The following LARP1B variants were observed in gnomAD, a reference collection of about 807,000 sequenced individuals.
The protein encoded by LARP1B is la-related protein 1B.
A neutral mutation model predicts 114.2 loss-of-function variants in LARP1B; 76 were observed. That is an observed-to-expected ratio of 0.67 (90% confidence interval 0.55 to 0.81). The LOEUF is 0.81. Among genes scored for constraint, LARP1B ranks in the 30% least tolerant of loss-of-function variants. The probability of loss-of-function intolerance (pLI) is 0.00; values close to 1 mark genes in which losing one functional copy is unlikely to be tolerated. For synonymous variants in LARP1B, 345 were observed against 348.0 expected, an observed-to-expected ratio of 0.99 and a Z score of 0.10; for missense variants, 1,014 against 1,075.8, an observed-to-expected ratio of 0.94 and a Z score of 0.80.
chr4:128,106,999 G>C (rs1261225758), intron 8 of LARP1B, 140 bp from the exon 9 acceptor site: 7 of 647,180 alleles, frequency 1.1e-5, no homozygotes, highest in Non-Finnish European at 1.3e-5. Context: ...TGTGTTCTAT[G>C]TGGTTAACTT....
At chr4:128,150,019 TG>T (rs1732014363) in intron 11 of LARP1B, among the ~76,000 whole-genome samples, 2 of 152,098 alleles carry the variant, frequency 1.3e-5, no homozygotes, top group African/African-American at 4.8e-5. Flanking sequence ...GGCATGGTGG[TG>T]CACACCTGTA....
intron 5 of LARP1B, among the ~76,000 whole-genome samples, chr4:128,086,469 C>CA (rs1773607204): frequency 6.6e-6 from 1 of 152,128 alleles, no homozygotes; most frequent in Admixed American, 6.6e-5. Flanking sequence ...GCTGGGACTA[C>CA]AGGCATGCAC....
rs1418945577 is a variant in LARP1B at position 128,098,268 on chromosome 4, T to A, written c.751T>A (p.Ser251Thr). Residue 251 changes from serine (S) to threonine (T), a missense_variant, in exon 8 of 20, where the codon TCC becomes ACC. Physicochemically the swap from Ser to Thr is moderately conservative, Grantham distance 58. Coordinates refer to ENST00000326639, the MANE Select transcript of LARP1B (RefSeq NM_018078.4). ...GGATGAACAAGGTTTCTTGCCTATT[T>A]CCCTGATTGCTGGTTTTCAGCGTGT... ...KMDEQGFLPI[S>T]LIAGFQRVQA... 21 of 1,614,012 alleles carry A rather than the reference T, an allele frequency of 1.3e-5. No homozygotes were observed. Among genetic ancestry groups the A allele is most frequent in the Non-Finnish European group, 1.5e-5 (18 of 1,179,902 alleles).
chr4:128,084,467 G>A (rs1772457045), intron 5 of LARP1B, among the ~76,000 whole-genome samples: 1 of 152,230 alleles, frequency 6.6e-6, no homozygotes, highest in Non-Finnish European at 1.5e-5. Context: ...CACCAAAAAA[G>A]TACGAAAACC....
intron 11 of LARP1B, 75 bp downstream of exon 11, chr4:128,122,263 C>A: frequency 6.4e-7 from 1 of 1,556,988 alleles, no homozygotes; most frequent in Non-Finnish European, 8.7e-7. Flanking sequence ...TTTTCTCAAA[C>A]TTGAGGCTCT....
At chr4:128,208,312 A>T (rs1263915264) in intron 19 of LARP1B, among the ~76,000 whole-genome samples, 1 of 151,516 alleles carries the variant, frequency 6.6e-6, no homozygotes, top group Non-Finnish European at 1.5e-5. Context: ...TAGGCAACAG[A>T]ATGAGACTCT....
chr4:128,083,298 T>G (rs1261665953), intron 5 of LARP1B, among the ~76,000 whole-genome samples: 1 of 152,152 alleles, frequency 6.6e-6, no homozygotes, highest in Admixed American at 6.5e-5. Flanking sequence ...AAACCGCCAT[T>G]GTCATCCTGG....
intron 13 of LARP1B, among the ~76,000 whole-genome samples, chr4:128,178,171 G>A (rs904611101): frequency 2.6e-5 from 4 of 151,148 alleles, no homozygotes; most frequent in Non-Finnish European, 5.9e-5. Flanking sequence ...AAGCAGGAGG[G>A]AAATGGGATT....
chr4:128,089,481 G>A lies in LARP1B; in HGVS notation c.359-1520G>A, dbSNP rs996839713. Among the ~76,000 whole-genome samples, 8 of 151,252 alleles carry A rather than the reference G, an allele frequency of 5.3e-5. No homozygotes were observed. In the South Asian group the frequency reaches 6.3e-4, roughly 12 times the overall value. On this transcript the variant is annotated intron_variant, in intron 5 of 19. Coordinates refer to ENST00000326639, the MANE Select transcript of LARP1B (RefSeq NM_018078.4). ...CTCCCGAGTAGCTGGGATTACCGGC[G>A]CCCACCACTATGTCTGGCTAATTTT...
At position 128,098,313 on chromosome 4, in the gene LARP1B, C is replaced by A; in HGVS notation, c.796C>A (p.Leu266Ile). 6.2e-7 allele frequency: 1 copy of A among 1,612,436 alleles called. No homozygotes were observed. Among genetic ancestry groups the A allele is most frequent in the East Asian group, 2.2e-5 (1 of 44,836 alleles). Residue 266 changes from leucine (L) to isoleucine (I), a missense_variant, in exon 8 of 20, where the codon CTT becomes ATT. Transcript: ENST00000326639. ...GCGTGTTCAGGCTCTCACTACAAAC[C>A]TTAATCTCATCTTAGAGGTAATTGC... Reference protein sequence around the residue: ...FQRVQALTTNLNLILEALKDS... With the variant: ...FQRVQALTTNINLILEALKDS...
Position 128,210,476 on chromosome 4 carries a change from T to C in LARP1B, c.*423T>C. The C allele has an allele frequency of 1.0e-6, 1 of 991,736 alleles. No individual in the cohort carries two copies. Among genetic ancestry groups the C allele is most frequent in the Non-Finnish European group, 1.2e-6 (1 of 832,814 alleles). 61.4% of individuals were successfully genotyped at this position (991,736 alleles called of 1,614,324 possible). A position where few individuals can be genotyped will look rare whatever the true frequency, so the allele number is the denominator to read the frequency against. Reference sequence around the variant, plus strand: ...TTGTATTCTCTTCTTAGAGCTTTCTTAAAGAATCCACAATCCAATTACCCC... The same window carrying C: ...TTGTATTCTCTTCTTAGAGCTTTCTCAAAGAATCCACAATCCAATTACCCC... On this transcript the variant is annotated 3_prime_UTR_variant, in exon 20 of 20. Transcript: ENST00000326639.
At chr4:128,161,375 C>T (rs142398905) in intron 11 of LARP1B, among the ~76,000 whole-genome samples, 1,586 of 152,258 alleles carry the variant, frequency 0.01, 24 homozygotes, top group Non-Finnish European at 0.016. Flanking sequence ...GGGGAAGCCT[C>T]CAGAACCCCA....
At chr4:128,135,324 A>C (rs534597412) in intron 11 of LARP1B, among the ~76,000 whole-genome samples, 1 of 152,258 alleles carries the variant, frequency 6.6e-6, no homozygotes, top group East Asian at 1.9e-4. Context: ...CTCTCATGTG[A>C]ATGTAAAATG....
intron 17 of LARP1B, among the ~76,000 whole-genome samples, chr4:128,203,629 C>T (rs565069769): frequency 6.6e-6 from 1 of 152,222 alleles, no homozygotes; most frequent in African/African-American, 2.4e-5. Context: ...CCACCTCGGC[C>T]TCCCAAAGTG....
intron 5 of LARP1B, among the ~76,000 whole-genome samples, chr4:128,086,009 C>CTTTTTTTTT (rs143345158): frequency 3.3e-5 from 3 of 91,272 alleles, no homozygotes; most frequent in East Asian, 2.9e-4. Flanking sequence ...TCATGGTATT[C>CTTTTTTTTT]TTTTTTTTTT....
chr4:128,155,550 A>G (rs1581095783), intron 11 of LARP1B: 1 of 802,326 alleles, frequency 1.2e-6, no homozygotes, highest in African/African-American at 1.7e-5. Flanking sequence ...AGTGGATGGT[A>G]CAGCTTCATT....
intron 7 of LARP1B, among the ~76,000 whole-genome samples, chr4:128,097,235 A>C (rs540290295): frequency 1.7e-4 from 26 of 152,256 alleles, no homozygotes; most frequent in African/African-American, 6.0e-4. Flanking sequence ...CAAAGAAAGA[A>C]GCATGGAGAA....
rs141803994 is a variant in LARP1B at position 128,082,360 on chromosome 4, C to T, written c.358+55C>T. 2.5e-5 allele frequency: 38 copies of T among 1,518,824 alleles called. No homozygotes were observed. In the East Asian group the frequency reaches 2.9e-4, roughly 12 times the overall value. The allele number at this position is 1,518,824 out of a possible 1,614,324, so 94.1% of individuals were successfully genotyped here. ...TAAGGAAAGACTTAGTCTTAATGCTCGTTATTTTAGTAACCACATGTATAA... is the reference window on the plus strand; with the variant it reads ...TAAGGAAAGACTTAGTCTTAATGCTTGTTATTTTAGTAACCACATGTATAA... On this transcript the variant is annotated intron_variant, in intron 5 of 19. Transcript: ENST00000326639.
At chr4:128,097,283 G>C (rs562965498) in intron 7 of LARP1B, among the ~76,000 whole-genome samples, 1 of 152,030 alleles carries the variant, frequency 6.6e-6, no homozygotes, top group East Asian at 1.9e-4. Context: ...ACATATGCCT[G>C]TGTGTTCACT....
Sources: allele counts gnomAD v4.1 joint callset (sites outside exome capture counted in the v4.1 genomes callset), GRCh38; gene constraint gnomAD v4.1.1; transcripts MANE v1.5; gene names NCBI Gene and HGNC (gene_info 2026-07-23, HGNC 2026-07-21).